Variants in OLFM3 observed in about 807,000 individuals in gnomAD.
OLFM3 encodes the protein noelin-3.
Under a neutral mutation model 48.6 loss-of-function variants are expected in OLFM3, and 20 were observed. That is an observed-to-expected ratio of 0.41 (90% confidence interval 0.29 to 0.60). OLFM3 has a LOEUF of 0.60. Ranked by LOEUF, OLFM3 falls within the 20% of genes least tolerant of loss-of-function variation. The pLI, the probability that OLFM3 is intolerant of heterozygous loss-of-function variation, is 0.28. For missense variants in OLFM3, 437 were observed against 544.3 expected, an observed-to-expected ratio of 0.80 and a Z score of 1.96; for synonymous variants, 222 against 198.1, an observed-to-expected ratio of 1.12 and a Z score of -1.01.
chr1:101,976,153 T>C (rs1255094248), intron 1 of OLFM3, among the ~76,000 whole-genome samples: 2 of 152,228 alleles, frequency 1.3e-5, no homozygotes, highest in Non-Finnish European at 2.9e-5. Context: ...TGTGGGTATT[T>C]TTGTTATTAT....
At chr1:101,896,998 A>T (rs996174933) in intron 1 of OLFM3, among the ~76,000 whole-genome samples, 1 of 152,108 alleles carries the variant, frequency 6.6e-6, no homozygotes, top group Non-Finnish European at 1.5e-5. Flanking sequence ...GAAATACAGA[A>T]CACAAAACTT....
rs754091217 is a variant in OLFM3 at position 101,830,776 on chromosome 1, C to T, written c.268G>A (p.Asp90Asn). ...IEVLNLRTQR[D>N]FQYVLKMETQ... The stretch of plus-strand genomic sequence containing the variant: ...TCCATTTTTAAAACATATTGGAAAT[C>T]TCTCTGAGTTCTCAAGTTTAAGACT... The change falls in exon 3 of 6, where the codon GAT (aspartate) becomes AAT (asparagine). Residue 90 changes from aspartate to asparagine, a missense_variant. Physicochemically the swap from Asp to Asn is conservative, Grantham distance 23. Coordinates refer to ENST00000370103, the MANE Select transcript of OLFM3 (RefSeq NM_058170.4). 1 of 1,614,054 alleles carries T rather than the reference C, an allele frequency of 6.2e-7. No individual in the cohort carries two copies. The highest frequency in any genetic ancestry group is 8.5e-7 in the Non-Finnish European group (1 of 1,179,920).
chr1:101,991,009 AAAAAAAAATATATATAT>A (rs1173915166), intron 1 of OLFM3, among the ~76,000 whole-genome samples: 2 of 103,070 alleles, frequency 1.9e-5, no homozygotes, highest in African/African-American at 7.5e-5. Flanking sequence ...AAAAAAAAAA[AAAAAAAAATATATATAT>A]ATATATATAT....
chr1:101,841,130 T>A (rs577480507), intron 1 of OLFM3, among the ~76,000 whole-genome samples: 3 of 152,312 alleles, frequency 2.0e-5, no homozygotes, highest in African/African-American at 7.2e-5. Flanking sequence ...GTTCTAAGGC[T>A]TCAGGGGCTT....
chr1:101,984,594 T>C (rs1231425821), intron 1 of OLFM3, among the ~76,000 whole-genome samples: 8 of 152,180 alleles, frequency 5.3e-5, no homozygotes, highest in African/African-American at 1.7e-4. Context: ...GAGACGGGGT[T>C]TCACCATGTT....
intron 1 of OLFM3, among the ~76,000 whole-genome samples, chr1:101,867,066 T>G (rs1218187722): frequency 1.3e-5 from 2 of 152,182 alleles, no homozygotes; most frequent in African/African-American, 4.8e-5. Flanking sequence ...CACATTACTT[T>G]ACAACCTCTT....
chr1:101,932,908 A>G lies in OLFM3; in HGVS notation c.69+63840T>C, dbSNP rs574530875. ...ATCCAAGGAATCTAAAGAATGCAAT[A>G]AAACAATACAAGAGGCCGGGCATGG... On this transcript the variant is annotated intron_variant, in intron 1 of 5. Transcript: ENST00000370103. 2.6e-3 allele frequency among the ~76,000 whole-genome samples: 401 copies of G among 152,244 alleles called. 2 individuals carry two copies. Among genetic ancestry groups the G allele is most frequent in the African/African-American group, 9.3e-3 (385 of 41,556 alleles).
intron 1 of OLFM3, among the ~76,000 whole-genome samples, chr1:101,897,242 C>T (rs919549077): frequency 3.9e-5 from 6 of 152,016 alleles, no homozygotes; most frequent in Admixed American, 1.3e-4. Context: ...TATCTCTATG[C>T]TAAAAATAAA....
At chr1:101,806,947 G>A (rs1653805430) in intron 4 of OLFM3, among the ~76,000 whole-genome samples, 1 of 151,642 alleles carries the variant, frequency 6.6e-6, no homozygotes, top group African/African-American at 2.4e-5. Flanking sequence ...GAAATAGCTT[G>A]GACTTCATAA....
rs532189123 is a variant in OLFM3 at position 101,990,086 on chromosome 1, A to T, written c.69+6662T>A. Reference sequence around the variant, plus strand: ...GATCTCTTCTCCATGATTAGTTTAAAAGTTCTTTTCTTGATGCAGTTGGGC... The same window carrying T: ...GATCTCTTCTCCATGATTAGTTTAATAGTTCTTTTCTTGATGCAGTTGGGC... On this transcript the variant is annotated intron_variant, in intron 1 of 5. Transcript: ENST00000370103. 2.9e-3 allele frequency among the ~76,000 whole-genome samples: 435 copies of T among 152,328 alleles called. 1 individual carries two copies. Among genetic ancestry groups the T allele is most frequent in the Non-Finnish European group, 4.8e-3 (329 of 68,020 alleles).
At chr1:101,864,177 AT>A (rs1375813731) in intron 1 of OLFM3, among the ~76,000 whole-genome samples, 1 of 152,002 alleles carries the variant, frequency 6.6e-6, no homozygotes, top group Non-Finnish European at 1.5e-5. Context: ...TATAATGTGA[AT>A]TTGTTCTGGT....
intron 1 of OLFM3, among the ~76,000 whole-genome samples, chr1:101,941,497 C>G (rs1385157386): frequency 6.6e-6 from 1 of 151,918 alleles, no homozygotes; most frequent in East Asian, 1.9e-4. Flanking sequence ...TGAATGTGAC[C>G]TCATTCATGT....
intron 1 of OLFM3, among the ~76,000 whole-genome samples, chr1:101,949,372 T>A (rs1660051548): frequency 1.3e-5 from 2 of 152,162 alleles, no homozygotes; most frequent in African/African-American, 4.8e-5. Flanking sequence ...TGCAATCGTA[T>A]CATTTAAAAT....
intron 1 of OLFM3, among the ~76,000 whole-genome samples, chr1:101,886,475 T>C (rs367937450): frequency 6.6e-6 from 1 of 152,006 alleles, no homozygotes; most frequent in East Asian, 1.9e-4. Context: ...GTTTCTCATA[T>C]AGTTCAGTCA....
chr1:101,966,453 G>A (rs1337216897), intron 1 of OLFM3, among the ~76,000 whole-genome samples: 6 of 152,230 alleles, frequency 3.9e-5, no homozygotes, highest in South Asian at 2.1e-4. Context: ...GATTACAGGC[G>A]TGAGCCACTG....
chr1:101,911,937 G>A (rs1045166134), intron 1 of OLFM3, among the ~76,000 whole-genome samples: 1 of 152,148 alleles, frequency 6.6e-6, no homozygotes, highest in Non-Finnish European at 1.5e-5. Context: ...TTATTTAATA[G>A]TTCAAGTTGC....
intron 1 of OLFM3, among the ~76,000 whole-genome samples, chr1:101,947,867 T>A (rs1301800910): frequency 6.6e-6 from 1 of 152,158 alleles, no homozygotes; most frequent in South Asian, 2.1e-4. Context: ...CAAGACTAAA[T>A]CAATTTCTGT....
At chr1:101,871,299 G>GT (rs527287623) in intron 1 of OLFM3, among the ~76,000 whole-genome samples, 142 of 152,148 alleles carry the variant, frequency 9.3e-4, no homozygotes, top group African/African-American at 3.3e-3. Context: ...TTGAAAAAAA[G>GT]TTTTTTTAGA....
chr1:101,824,105 T>C (rs1481435030), intron 4 of OLFM3, among the ~76,000 whole-genome samples: 3 of 144,826 alleles, frequency 2.1e-5, no homozygotes, highest in Non-Finnish European at 3.1e-5. Context: ...ATTAATCTTT[T>C]GTGTGTGTGT....
Sources: gnomAD v4.1 joint callset for allele counts (sites outside exome capture counted in the v4.1 genomes callset) on GRCh38, gnomAD v4.1.1 for gene constraint, MANE v1.5 for transcripts, NCBI Gene and HGNC (gene_info 2026-07-23, HGNC 2026-07-21) for gene names.